Variants in ARHGAP26 observed in about 807,000 individuals in gnomAD.
ARHGAP26 encodes Rho GTPase activating protein 26.
ARHGAP26 carries 38 observed loss-of-function variants against 104.8 expected under a neutral mutation model. That is an observed-to-expected ratio of 0.36 (90% CI 0.28 to 0.48). The LOEUF is 0.48. ARHGAP26 is among the 20% of genes least tolerant of loss of function. The probability of loss-of-function intolerance (pLI) is 0.99; values close to 1 mark genes in which losing one functional copy is unlikely to be tolerated. For synonymous variants in ARHGAP26, 341 were observed against 340.0 expected (o/e 1.00, Z -0.03); for missense variants, 704 against 947.9 (o/e 0.74, Z 3.38).
In ARHGAP26 at chr5:142,961,841, GTTC is replaced by G. The variant is rs578102912; in HGVS notation, c.1107+29721_1107+29723del. On this transcript the variant is annotated intron_variant, in intron 11 of 22. Transcript: ENST00000645722. ...AATGTCCCATTTGAAGTGTTTTTTA[GTTC>G]TTCTCACTCTTCATATTTTTCCTGC... Among the ~76,000 whole-genome samples the G allele has an allele frequency of 1.2e-3, 186 of 152,180 alleles. 1 individual carries two copies. In the Middle Eastern group the frequency reaches 0.014, roughly 11 times the overall value.
chr5:143,138,323 G>C (rs1798130962), intron 19 of ARHGAP26, among the ~76,000 whole-genome samples: 1 of 152,188 alleles, frequency 6.6e-6, no homozygotes, highest in African/African-American at 2.4e-5. Context: ...GGGGCTAGGA[G>C]TGAAATGGGA....
chr5:142,778,103 A>C (rs1429744438), intron 1 of ARHGAP26, among the ~76,000 whole-genome samples: 1 of 152,202 alleles, frequency 6.6e-6, no homozygotes, highest in Non-Finnish European at 1.5e-5. Flanking sequence ...TTGGAAGTAG[A>C]GCCCACAGGA....
chr5:142,820,187 A>G lies in ARHGAP26; in HGVS notation c.154+49272A>G, dbSNP rs139864033. Among the ~76,000 whole-genome samples the G allele has an allele frequency of 1.8e-4, 28 of 152,346 alleles. No individual in the cohort carries two copies. The East Asian group carries it at 4.4e-3, about 24-fold the overall frequency. The stretch of plus-strand genomic sequence containing the variant: ...AGTGCAGGTGGTTCTCAGACCTCAC[A>G]TTGAGGAACACTGCTTATCAAGAGT... On this transcript the variant is annotated intron_variant, in intron 1 of 22. Coordinates refer to ENST00000645722, the MANE Select transcript of ARHGAP26 (RefSeq NM_001135608.3).
intron 14 of ARHGAP26, among the ~76,000 whole-genome samples, chr5:143,048,100 T>G (rs1412585654): frequency 6.6e-6 from 1 of 152,166 alleles, no homozygotes; most frequent in Non-Finnish European, 1.5e-5. Context: ...CCACCCACCT[T>G]GGCCTCCCAA....
chr5:142,784,115 G>A (rs1758062967), intron 1 of ARHGAP26, among the ~76,000 whole-genome samples: 1 of 152,220 alleles, frequency 6.6e-6, no homozygotes, highest in Admixed American at 6.5e-5. Context: ...AGAGCTCAGT[G>A]TGCAAGGTCA....
chr5:142,778,380 C>A (rs1406713944), intron 1 of ARHGAP26, among the ~76,000 whole-genome samples: 1 of 152,134 alleles, frequency 6.6e-6, no homozygotes, highest in East Asian at 1.9e-4. Flanking sequence ...AAAAGCACCC[C>A]CTTTTCCTAG....
intron 1 of ARHGAP26, among the ~76,000 whole-genome samples, chr5:142,800,880 A>G (rs1761956251): frequency 6.6e-6 from 1 of 152,194 alleles, no homozygotes; most frequent in African/African-American, 2.4e-5. Flanking sequence ...TGGCAGAGAG[A>G]GATCAAAATG....
At chr5:143,185,869 C>T (rs976365123) in intron 20 of ARHGAP26, among the ~76,000 whole-genome samples, 2 of 152,234 alleles carry the variant, frequency 1.3e-5, no homozygotes, top group African/African-American at 4.8e-5. Flanking sequence ...ACTACCCCTC[C>T]CTTGCTTTCC....
At chr5:142,887,292 CCTT>C (rs1757852732) in intron 5 of ARHGAP26, among the ~76,000 whole-genome samples, 1 of 152,180 alleles carries the variant, frequency 6.6e-6, no homozygotes, top group Admixed American at 6.5e-5. Context: ...TGCCTCAAAA[CCTT>C]CTCTGCTGTG....
At chr5:143,113,434 A>G (rs551478679) in intron 17 of ARHGAP26, among the ~76,000 whole-genome samples, 30 of 152,324 alleles carry the variant, frequency 2.0e-4, no homozygotes, top group African/African-American at 7.2e-4. Context: ...AAAGCAGTAC[A>G]GCCTGGATGA....
intron 1 of ARHGAP26, among the ~76,000 whole-genome samples, chr5:142,797,720 G>C (rs1273047072): frequency 2.0e-5 from 3 of 152,204 alleles, no homozygotes; most frequent in Admixed American, 2.0e-4. Flanking sequence ...CGGTTTTGCA[G>C]CTTCATTGAC....
intron 22 of ARHGAP26, among the ~76,000 whole-genome samples, chr5:143,215,275 A>G (rs1810167874): frequency 6.6e-6 from 1 of 152,200 alleles, no homozygotes; most frequent in Admixed American, 6.5e-5. Context: ...TCTGTCCTCT[A>G]AGTCCCAATT....
chr5:142,935,398 C>T (rs1395654482), intron 11 of ARHGAP26, among the ~76,000 whole-genome samples: 1 of 152,196 alleles, frequency 6.6e-6, no homozygotes, highest in African/African-American at 2.4e-5. Context: ...GTCGCGATTG[C>T]AGCTACTAAC....
chr5:143,081,786 G>T (rs557358639), intron 17 of ARHGAP26, among the ~76,000 whole-genome samples: 1 of 152,148 alleles, frequency 6.6e-6, no homozygotes, highest in African/African-American at 2.4e-5. Flanking sequence ...GGCCGAGGCC[G>T]GCGGATCACA....
At chr5:143,203,232 AAAAC>A (rs572967769) in intron 20 of ARHGAP26, 20 of 152,282 alleles carry the variant, frequency 1.3e-4, no homozygotes, top group Middle Eastern at 3.4e-3. Context: ...ACAAGAAAAA[AAAAC>A]AACCCCATCA....
chr5:143,181,435 C>G (rs1804347368), intron 20 of ARHGAP26, among the ~76,000 whole-genome samples: 2 of 152,212 alleles, frequency 1.3e-5, no homozygotes, highest in African/African-American at 2.4e-5. Flanking sequence ...CTGCTTCCCC[C>G]TCCTTACACC....
intron 12 of ARHGAP26, among the ~76,000 whole-genome samples, chr5:143,022,091 A>AG (rs1780413570): frequency 6.6e-6 from 1 of 151,802 alleles, no homozygotes; most frequent in South Asian, 2.1e-4. Context: ...TATTTCATTT[A>AG]TTTTTTTGAG....
chr5:143,067,803 CAA>C (rs1301376146), intron 17 of ARHGAP26, among the ~76,000 whole-genome samples: 1 of 152,120 alleles, frequency 6.6e-6, no homozygotes, highest in African/African-American at 2.4e-5. Context: ...CCCTAGGCCT[CAA>C]AAATCAGTTT....
At chr5:142,891,215 AG>A (rs1456069961) in intron 5 of ARHGAP26, among the ~76,000 whole-genome samples, 1 of 152,002 alleles carries the variant, frequency 6.6e-6, no homozygotes, top group Non-Finnish European at 1.5e-5. Context: ...CACACGATGC[AG>A]GGGGTGGTGG....
Sources: gnomAD v4.1 joint callset for allele counts (sites outside exome capture counted in the v4.1 genomes callset) on GRCh38, gnomAD v4.1.1 for gene constraint, MANE v1.5 for transcripts, NCBI Gene and HGNC (gene_info 2026-07-23, HGNC 2026-07-21) for gene names.